CDH12: variants seen among roughly 807,000 people sequenced by gnomAD.
CDH12 encodes the protein cadherin 12.
Under a neutral mutation model 74.1 loss-of-function variants are expected in CDH12, and 41 were observed. The ratio of observed to expected loss-of-function variants is 0.55; its 90% CI spans 0.43 to 0.72. The LOEUF is 0.72. CDH12 is among the 30% of genes least tolerant of loss of function. The pLI is 0.00. For missense variants in CDH12, 945 were observed against 977.2 expected, an observed-to-expected ratio of 0.97 and a Z score of 0.44; for synonymous variants, 399 against 355.0, an observed-to-expected ratio of 1.12 and a Z score of -1.39.
intron 9 of CDH12, among the ~76,000 whole-genome samples, chr5:21,805,104 C>A (rs1394083897): frequency 1.3e-5 from 2 of 152,154 alleles, no homozygotes; most frequent in South Asian, 2.1e-4. Flanking sequence ...ATTGAGCTGA[C>A]CTGGCTCATA....
intron 3 of CDH12, among the ~76,000 whole-genome samples, chr5:22,318,233 C>T (rs894968749): frequency 6.6e-6 from 1 of 152,188 alleles, no homozygotes; most frequent in Middle Eastern, 3.2e-3. Context: ...TTACTATCTA[C>T]AGCTTTGTTG....
intron 1 of CDH12, among the ~76,000 whole-genome samples, chr5:22,615,045 A>AT (rs1325786495): frequency 6.6e-6 from 1 of 152,038 alleles, no homozygotes; most frequent in Non-Finnish European, 1.5e-5. Flanking sequence ...TGCAAAAATT[A>AT]TTTACTCTGG....
intron 3 of CDH12, among the ~76,000 whole-genome samples, chr5:22,402,664 T>C (rs1261793977): frequency 6.6e-6 from 1 of 152,178 alleles, no homozygotes; most frequent in African/African-American, 2.4e-5. Context: ...TTAGCATATC[T>C]ACGTTGCAAA....
chr5:21,759,852 G>A (rs543444770), intron 13 of CDH12, among the ~76,000 whole-genome samples: 1 of 152,044 alleles, frequency 6.6e-6, no homozygotes, highest in East Asian at 1.9e-4. Context: ...CACCCCTCAA[G>A]TAGACTCCAA....
In CDH12 at chr5:22,234,500, C is replaced by G. The variant is rs183048437; in HGVS notation, c.-332-21857G>C. 4.5e-3 allele frequency among the ~76,000 whole-genome samples: 688 copies of G among 152,178 alleles called. 7 individuals are homozygous for G. Among genetic ancestry groups the G allele is most frequent in the African/African-American group, 0.016 (658 of 41,518 alleles). On this transcript the variant is annotated intron_variant, in intron 3 of 14. Transcript: ENST00000382254. Reference sequence around the variant, plus strand: ...TTCACCTCCCACTATGATTCTGAGGCCTCCCCAGCCATGTGGACCTGTAAG... The same window carrying G: ...TTCACCTCCCACTATGATTCTGAGGGCTCCCCAGCCATGTGGACCTGTAAG...
At chr5:22,262,080 G>T (rs1293384517) in intron 3 of CDH12, among the ~76,000 whole-genome samples, 1 of 151,636 alleles carries the variant, frequency 6.6e-6, no homozygotes, top group African/African-American at 2.4e-5. Context: ...TAATATCATT[G>T]CATGGTTTTA....
At chr5:22,141,895 A>T (rs1177625826) in intron 4 of CDH12, among the ~76,000 whole-genome samples, 1 of 152,208 alleles carries the variant, frequency 6.6e-6, no homozygotes, top group Non-Finnish European at 1.5e-5. Context: ...CATAAGAAGT[A>T]GGTGCTATTA....
chr5:22,252,388 TA>T (rs370290188), intron 3 of CDH12, among the ~76,000 whole-genome samples: 67 of 148,854 alleles, frequency 4.5e-4, no homozygotes, highest in African/African-American at 1.1e-3. Context: ...GTTCCAAACT[TA>T]AAAAAAAAAC....
intron 3 of CDH12, among the ~76,000 whole-genome samples, chr5:22,365,822 T>C (rs1741005864): frequency 6.6e-6 from 1 of 152,200 alleles, no homozygotes; most frequent in African/African-American, 2.4e-5. Context: ...ACAAAAAATA[T>C]TCTAAACTAT....
intron 6 of CDH12, among the ~76,000 whole-genome samples, chr5:21,971,513 T>C (rs1318018193): frequency 1.3e-5 from 2 of 152,132 alleles, no homozygotes; most frequent in African/African-American, 4.8e-5. Context: ...TACTATATCA[T>C]ATCATAGGTT....
intron 13 of CDH12, among the ~76,000 whole-genome samples, chr5:21,759,274 A>G (rs1409116090): frequency 6.6e-6 from 1 of 151,846 alleles, no homozygotes; most frequent in Admixed American, 6.6e-5. Flanking sequence ...TTTAATGATT[A>G]GAGTTTCATT....
At chr5:22,527,155 G>A (rs1380939925) in intron 1 of CDH12, among the ~76,000 whole-genome samples, 1 of 152,102 alleles carries the variant, frequency 6.6e-6, no homozygotes, top group African/African-American at 2.4e-5. Context: ...ACTGCTAAAA[G>A]TTCTTAGGTC....
chr5:21,889,678 C>G (rs1579916215), intron 6 of CDH12: 4 of 985,134 alleles, frequency 4.1e-6, no homozygotes, highest in Non-Finnish European at 4.8e-6. Context: ...TGAACAAAAT[C>G]AGAAAGTATT....
chr5:22,150,094 G>A (rs144403689), intron 4 of CDH12, among the ~76,000 whole-genome samples: 394 of 152,160 alleles, frequency 2.6e-3, no homozygotes, highest in Non-Finnish European at 4.1e-3. Context: ...TTCAATGATC[G>A]TTGATTTAAA....
At chr5:22,750,797 A>T (rs1325884911) in intron 1 of CDH12, among the ~76,000 whole-genome samples, 1 of 152,140 alleles carries the variant, frequency 6.6e-6, no homozygotes, top group African/African-American at 2.4e-5. Flanking sequence ...CAAGATACTA[A>T]GATGAAGCCA....
chr5:22,621,390 T>C (rs977323580), intron 1 of CDH12, among the ~76,000 whole-genome samples: 1 of 152,194 alleles, frequency 6.6e-6, no homozygotes, highest in African/African-American at 2.4e-5. Flanking sequence ...AGAACAATAT[T>C]CAAAGGACTA....
chr5:22,081,528 C>T (rs1191349220), intron 4 of CDH12, among the ~76,000 whole-genome samples: 1 of 152,082 alleles, frequency 6.6e-6, no homozygotes, highest in East Asian at 1.9e-4. Context: ...TCTGACTTCC[C>T]AAATCTATTC....
chr5:22,362,215 A>C (rs545890206), intron 3 of CDH12, among the ~76,000 whole-genome samples: 2 of 152,202 alleles, frequency 1.3e-5, no homozygotes, highest in African/African-American at 4.8e-5. Flanking sequence ...ATCTACAAAG[A>C]ACTCAAACAA....
chr5:22,287,130 T>G (rs540154999), intron 3 of CDH12, among the ~76,000 whole-genome samples: 1 of 152,210 alleles, frequency 6.6e-6, no homozygotes, highest in East Asian at 1.9e-4. Context: ...CGTAAGAGAA[T>G]AGAGAAGTAG....
Sources: allele counts gnomAD v4.1 joint callset (sites outside exome capture counted in the v4.1 genomes callset), GRCh38; gene constraint gnomAD v4.1.1; transcripts MANE v1.5; gene names NCBI Gene and HGNC (gene_info 2026-07-23, HGNC 2026-07-21).